The following ADAMTS18 variants were observed in gnomAD, a reference collection of about 807,000 sequenced individuals.
ADAMTS18 encodes the protein ADAM metallopeptidase with thrombospondin type 1 motif 18.
A neutral mutation model predicts 165.9 loss-of-function variants in ADAMTS18; 157 were observed. The ratio of observed to expected loss-of-function variants is 0.95; its 90% CI spans 0.83 to 1.08. The LOEUF is 1.08. Among genes scored for constraint, ADAMTS18 ranks in the 50% least tolerant of loss-of-function variants. The probability of loss-of-function intolerance (pLI) is 0.00; values close to 1 mark genes in which losing one functional copy is unlikely to be tolerated. For synonymous variants in ADAMTS18, 782 were observed against 578.2 expected, an observed-to-expected ratio of 1.35 and a Z score of -5.06; for missense variants, 2,040 against 1,534.0, an observed-to-expected ratio of 1.33 and a Z score of -5.51.
chr16:77,356,624 A>G (rs536786232), intron 8 of ADAMTS18, among the ~76,000 whole-genome samples: 7 of 129,258 alleles, frequency 5.4e-5, no homozygotes, highest in Non-Finnish European at 1.1e-4. Flanking sequence ...CTCTTATAAT[A>G]AACATTTTTT....
chr16:77,433,566 T>G (rs1006440283), intron 2 of ADAMTS18: 10 of 152,260 alleles, frequency 6.6e-5, no homozygotes, highest in Admixed American at 2.0e-4. Context: ...TTTTAGAAAC[T>G]GCAGCCTCTC....
Position 77,431,607 on chromosome 16 carries a change from G to T in ADAMTS18, c.183C>A (p.Tyr61Ter), listed in dbSNP as rs778478436. The T allele has an allele frequency of 6.2e-7, 1 of 1,613,792 alleles. No individual in the cohort carries two copies. Among genetic ancestry groups the T allele is most frequent in the Admixed American group, 1.7e-5 (1 of 60,010 alleles). The change falls in exon 3 of 23, where the codon TAC (tyrosine) becomes TAA (stop). Residue 61 changes from tyrosine (Y) to a stop codon, truncating the protein, a stop_gained. Coordinates refer to ENST00000282849, the MANE Select transcript of ADAMTS18 (RefSeq NM_199355.4). LOFTEE classifies it high-confidence loss of function. Reference protein sequence around the residue: ...SSGASGLNDDYVFVTPVEVDS... With the variant: ...SSGASGLNDD ...CTACTTCTACTGGCGTGACAAAGAC[G>T]TAATCTGCAATGGGAAAAGTTCAGC...
rs376135406 is a variant in ADAMTS18 at position 77,285,292 on chromosome 16, C to T, written c.3551-1221G>A. 2.6e-5 allele frequency among the ~76,000 whole-genome samples: 4 copies of T among 152,244 alleles called. No individual in the cohort carries two copies. The South Asian group carries it at 6.2e-4, about 24-fold the overall frequency. On this transcript the variant is annotated intron_variant, in intron 22 of 22. Coordinates refer to ENST00000282849, the MANE Select transcript of ADAMTS18 (RefSeq NM_199355.4). ...TATTCAAATGGTTCTCCTGCGTAAGCCTCCTGGGTAGCTGGGATTACAGGC... is the reference window on the plus strand; with the variant it reads ...TATTCAAATGGTTCTCCTGCGTAAGTCTCCTGGGTAGCTGGGATTACAGGC...
At chr16:77,404,992 C>A (rs141219426) in intron 3 of ADAMTS18, among the ~76,000 whole-genome samples, 1 of 152,084 alleles carries the variant, frequency 6.6e-6, no homozygotes, top group African/African-American at 2.4e-5. Context: ...GCCCCCAGAG[C>A]GGGGGAATGT....
chr16:77,422,602 A>G (rs576900564), intron 3 of ADAMTS18, among the ~76,000 whole-genome samples: 64 of 151,756 alleles, frequency 4.2e-4, no homozygotes, highest in African/African-American at 1.5e-3. Flanking sequence ...GAAGGAAAAG[A>G]AGAAAGGAGA....
At chr16:77,350,150 C>T (rs1193232925) in intron 10 of ADAMTS18, among the ~76,000 whole-genome samples, 1 of 152,192 alleles carries the variant, frequency 6.6e-6, no homozygotes, top group Non-Finnish European at 1.5e-5. Context: ...GCGCTCTCTC[C>T]ACTTGTTACA....
At chr16:77,363,677 G>A in intron 6 of ADAMTS18, 125 bp downstream of exon 6, 1 of 794,000 alleles carries the variant, frequency 1.3e-6, no homozygotes. Context: ...TTTGAGGAGA[G>A]TCAGCCTAGT....
intron 12 of ADAMTS18, among the ~76,000 whole-genome samples, chr16:77,334,159 C>T (rs62652206): frequency 0.2 from 10,150 of 50,094 alleles, 1,990 homozygotes; most frequent in African/African-American, 0.25. Flanking sequence ...ATATAATATA[C>T]AGTGTTATAT....
intron 3 of ADAMTS18, among the ~76,000 whole-genome samples, chr16:77,419,012 G>A (rs572078073): frequency 4.3e-4 from 65 of 152,238 alleles, no homozygotes; most frequent in African/African-American, 1.4e-3. Flanking sequence ...AGCTGGGCAC[G>A]GTGGCAGGAG....
In ADAMTS18 at chr16:77,282,486, CTT is replaced by C. The variant is rs2055164806; in HGVS notation, c.*1468_*1469del. On this transcript the variant is annotated 3_prime_UTR_variant, in exon 23 of 23. Coordinates refer to ENST00000282849, the MANE Select transcript of ADAMTS18 (RefSeq NM_199355.4). ...TTCTCTGGGATTCAAGAACTCATGA[CTT>C]TAATTAGAATGGGAACGAAGTATGC... 6.6e-6 allele frequency: 1 copy of C among 152,444 alleles called. No homozygotes were observed. The highest frequency in any genetic ancestry group is 2.1e-4 in the South Asian group (1 of 4,834). 9.4% of individuals were successfully genotyped at this position (152,444 alleles called of 1,614,324 possible).
Position 77,431,511 on chromosome 16 carries a change from G to A in ADAMTS18, c.279C>T (p.Ala93=). ...NGRKKRSAQN[A]RSSLHYRFSA... is the part of the protein sequence containing the mutation. The stretch of plus-strand genomic sequence containing the variant: ...AAAATCGGTAGTGCAGGGAGCTTCT[G>A]GCATTCTGCGCCGATCGCTTTTTCC... Residue 93 remains alanine (A), a synonymous_variant, in exon 3 of 23, where the codon GCC becomes GCT. Coordinates refer to ENST00000282849, the MANE Select transcript of ADAMTS18 (RefSeq NM_199355.4). 6.2e-7 allele frequency: 1 copy of A among 1,614,190 alleles called. No individual in the cohort carries two copies. The highest frequency in any genetic ancestry group is 8.5e-7 in the Non-Finnish European group (1 of 1,180,030).
chr16:77,327,010 C>T (rs1230967350), intron 12 of ADAMTS18, among the ~76,000 whole-genome samples: 1 of 152,240 alleles, frequency 6.6e-6, no homozygotes, highest in African/African-American at 2.4e-5. Flanking sequence ...ATCCATCTGA[C>T]AGCAAAGGAC....
chr16:77,364,818 G>A (rs986377676), intron 4 of ADAMTS18, among the ~76,000 whole-genome samples: 1 of 150,800 alleles, frequency 6.6e-6, no homozygotes, highest in African/African-American at 2.5e-5. Context: ...AGAGAAAAGA[G>A]CTCTAGGCCA....
intron 7 of ADAMTS18, 131 bp from the exon 8 acceptor site, chr16:77,359,554 A>ACC (rs2056682066): frequency 6.3e-6 from 3 of 478,664 alleles, no homozygotes; most frequent in Non-Finnish European, 7.8e-6. Context: ...TTTTGGAAAA[A>ACC]AAAAAAAAAA....
At chr16:77,314,753 C>CTTATATATATATATATATAT (rs1555511655) in intron 16 of ADAMTS18, among the ~76,000 whole-genome samples, 1,405 of 36,686 alleles carry the variant, frequency 0.038, 368 homozygotes, top group Non-Finnish European at 0.048. Flanking sequence ...TCTCAGGTTT[C>CTTATATATATATATATATAT]ATATATATAT....
Position 77,282,959 on chromosome 16 carries a change from G to C in ADAMTS18, c.*997C>G, listed in dbSNP as rs1036503196. The C allele has an allele frequency of 8.4e-6, 1 of 119,674 alleles. No homozygotes were observed. Among genetic ancestry groups the C allele is most frequent in the South Asian group, 2.8e-4 (1 of 3,560 alleles). The allele number at this position is 119,674 out of a possible 1,614,324, so 7.4% of individuals were successfully genotyped here. ...GCTCAATCCTAGGGCAAATTTAAAC[G>C]TATCAGTTGGTAGGAAAAAGCCACA... On this transcript the variant is annotated 3_prime_UTR_variant, in exon 23 of 23. Transcript: ENST00000282849.
chr16:77,421,274 G>C (rs1239683331), intron 3 of ADAMTS18, among the ~76,000 whole-genome samples: 1 of 152,188 alleles, frequency 6.6e-6, no homozygotes. Flanking sequence ...CACCAGACTT[G>C]CATTATGGTA....
chr16:77,428,961 G>A (rs976136327), intron 3 of ADAMTS18, among the ~76,000 whole-genome samples: 3 of 152,136 alleles, frequency 2.0e-5, no homozygotes, highest in Non-Finnish European at 4.4e-5. Flanking sequence ...ATACAAGAAT[G>A]TTCAGTCATA....
intron 16 of ADAMTS18, among the ~76,000 whole-genome samples, chr16:77,306,577 G>A (rs1330644385): frequency 1.3e-5 from 2 of 151,838 alleles, no homozygotes; most frequent in Non-Finnish European, 2.9e-5. Context: ...TCTTCTTCAA[G>A]AAGTTGTCCT....
Sources: gnomAD v4.1 joint callset for allele counts (sites outside exome capture counted in the v4.1 genomes callset) on GRCh38, gnomAD v4.1.1 for gene constraint, MANE v1.5 for transcripts, NCBI Gene and HGNC (gene_info 2026-07-23, HGNC 2026-07-21) for gene names.